The following KRT13 variants were observed in gnomAD, a reference collection of about 807,000 sequenced individuals.
The protein encoded by KRT13 is keratin, type I cytoskeletal 13.
Under a neutral mutation model 40.6 loss-of-function variants are expected in KRT13, and 27 were observed. That is an observed-to-expected ratio of 0.67 (90% CI 0.49 to 0.92). The LOEUF (loss-of-function observed/expected upper bound fraction) is 0.92. Among genes scored for constraint, KRT13 ranks in the 40% least tolerant of loss-of-function variants. The probability of loss-of-function intolerance (pLI) is 0.00; values close to 1 mark genes in which losing one functional copy is unlikely to be tolerated. For synonymous variants in KRT13, 266 were observed against 240.3 expected (o/e 1.11, Z -0.99); for missense variants, 605 against 611.5 (o/e 0.99, Z 0.11).
intron 6 of KRT13, 120 bp from the exon 7 acceptor site, chr17:41,501,864 T>C: frequency 6.5e-7 from 1 of 1,543,966 alleles, no homozygotes; most frequent in East Asian, 2.5e-5. Flanking sequence ...CTCTAGTGCC[T>C]CCTAGCTGTG....
At chr17:41,504,160 G>A (rs138259317) in intron 1 of KRT13, 154 of 245,436 alleles carry the variant, frequency 6.3e-4, no homozygotes, top group Middle Eastern at 1.6e-3. Context: ...CCCTCCAATC[G>A]TTTCTAACAC....
At position 41,505,566 on chromosome 17, in the gene KRT13, G is replaced by C. The variant is rs757491325; in HGVS notation, c.-16C>G. 11 of 1,614,088 alleles carry C rather than the reference G, an allele frequency of 6.8e-6. No homozygotes were observed. The Admixed American group carries it at 1.8e-4, about 27-fold the overall frequency. The stretch of plus-strand genomic sequence containing the variant: ...GGAGGCTCATGGTGAGAGCAGGATT[G>C]AGAGCAGGTGCAGATAGAAGCTTGC... On this transcript the variant is annotated 5_prime_UTR_variant, in exon 1 of 8. Transcript: ENST00000246635.
chr17:41,503,477 A>C, intron 2 of KRT13, 34 bp from the exon 3 acceptor site: 1 of 1,611,514 alleles, frequency 6.2e-7, no homozygotes, highest in Non-Finnish European at 8.5e-7. Flanking sequence ...GTTTTTTGAA[A>C]AAGCAAGACA....
chr17:41,502,008 C>T (rs1904868272), intron 6 of KRT13: 5 of 1,420,962 alleles, frequency 3.5e-6, no homozygotes, highest in Non-Finnish European at 4.6e-6. Flanking sequence ...CTCTGGATCG[C>T]CCAAACCCGC....
chr17:41,502,599 T>C lies in KRT13; in HGVS notation c.1024-5A>G, dbSNP rs777839874. On this transcript the variant is annotated splice_region_variant and splice_polypyrimidine_tract_variant and intron_variant, in intron 5 of 7. Coordinates refer to ENST00000246635, the MANE Select transcript of KRT13 (RefSeq NM_153490.3). ...CGTGTTCTCCAGCCCCGCTTTCTGG[T>C]GGAGCGACAGACAAGAAGTTACAGA... 4 of 1,613,378 alleles carry C rather than the reference T, an allele frequency of 2.5e-6. No homozygotes were observed. Among genetic ancestry groups the C allele is most frequent in the South Asian group, 2.2e-5 (2 of 91,084 alleles).
intron 6 of KRT13, 171 bp from the exon 7 acceptor site, chr17:41,501,915 ACTGT>A: frequency 2.7e-6 from 4 of 1,497,356 alleles, no homozygotes; most frequent in South Asian, 2.6e-5. Context: ...GCCCACTGGG[ACTGT>A]CTGTCTTTCC....
chr17:41,502,453 T>C lies in KRT13; in HGVS notation c.1165A>G (p.Lys389Glu), dbSNP rs371850724. 14 of 1,614,242 alleles carry C rather than the reference T, an allele frequency of 8.7e-6. No homozygotes were observed. In the Admixed American group the frequency reaches 1.0e-4, roughly 12 times the overall value. The change falls in exon 6 of 8, where the codon AAG becomes GAG. Residue 389 changes from lysine to glutamate, a missense_variant. Transcript: ENST00000246635. ...CGTGTCTTGATGTCCAGCAGCATCT[T>C]GTACTCTTGGTTCTGGCACTCCATC... is the stretch of plus-strand genomic sequence containing the variant. The part of the protein sequence containing the change: ...SEMECQNQEY[K>E]MLLDIKTRLE...
At position 41,503,641 on chromosome 17, in the gene KRT13, A is replaced by T; in HGVS notation, c.578+2T>A. On this transcript the variant is annotated splice_donor_variant, in intron 2 of 7. Transcript: ENST00000246635. LOFTEE classifies it high-confidence loss of function. ...AGAGGGAGGGGGAAAAAAAAAACTC[A>T]CTTGAGCCTGAAGTCGTCCGCAGCC... The T allele has an allele frequency of 6.2e-7, 1 of 1,613,456 alleles. No homozygotes were observed. Among genetic ancestry groups the T allele is most frequent in the Non-Finnish European group, 8.5e-7 (1 of 1,179,528 alleles).
Position 41,502,658 on chromosome 17 carries a change from C to T in KRT13, c.1023+29G>A, listed in dbSNP as rs545219692. 113 of 1,613,230 alleles carry T rather than the reference C, an allele frequency of 7.0e-5. No individual in the cohort carries two copies. The South Asian group carries it at 1.2e-3, about 16-fold the overall frequency. On this transcript the variant is annotated intron_variant, in intron 5 of 7. Transcript: ENST00000246635. ...GGCCAGAGGGAAACCTAGAGGTGGTCGCCACCGGGCAGGAGGCTGCAGGCA... is the reference window on the plus strand; with the variant it reads ...GGCCAGAGGGAAACCTAGAGGTGGTTGCCACCGGGCAGGAGGCTGCAGGCA...
chr17:41,503,308 G>A lies in KRT13; in HGVS notation c.714C>T (p.Tyr238=). ...TCACCTCTTCATGGTTCTTCTTCAT[G>A]TAGGCTAGCTCTTCATTCAGGCTCT... is the stretch of plus-strand genomic sequence containing the variant. ...QIESLNEELA[Y]MKKNHEEEMK... The change falls in exon 3 of 8, where the codon TAC becomes TAT. Residue 238 remains tyrosine (Y), a synonymous_variant. Coordinates refer to ENST00000246635, the MANE Select transcript of KRT13 (RefSeq NM_153490.3). 6.2e-7 allele frequency: 1 copy of A among 1,614,212 alleles called. No homozygotes were observed. The highest frequency in any genetic ancestry group is 8.5e-7 in the Non-Finnish European group (1 of 1,180,038).
At chr17:41,504,055 G>A (rs1044881618) in intron 1 of KRT13, 2 of 379,444 alleles carry the variant, frequency 5.3e-6, no homozygotes, top group Non-Finnish European at 1.0e-5. Context: ...TGGTTCCCAT[G>A]GGGCTCTACC....
rs373085505 is a variant in KRT13 at position 41,502,665 on chromosome 17, G to C, written c.1023+22C>G. The C allele has an allele frequency of 3.7e-6, 6 of 1,613,400 alleles. No homozygotes were observed. In the East Asian group the frequency reaches 1.1e-4, roughly 30 times the overall value. The stretch of plus-strand genomic sequence containing the variant: ...GGGAAACCTAGAGGTGGTCGCCACC[G>C]GGCAGGAGGCTGCAGGCATACCATG... On this transcript the variant is annotated intron_variant, in intron 5 of 7. Coordinates refer to ENST00000246635, the MANE Select transcript of KRT13 (RefSeq NM_153490.3).
At chr17:41,501,643 C>T in intron 7 of KRT13, 76 bp downstream of exon 7, 1 of 1,550,806 alleles carries the variant, frequency 6.4e-7, no homozygotes, top group Non-Finnish European at 8.7e-7. Flanking sequence ...CCCTCCCCGC[C>T]AGCTCCCACC....
Position 41,502,064 on chromosome 17 carries a change from G to A in KRT13, c.1244+310C>T, listed in dbSNP as rs1904869961. 6 of 985,312 alleles carry A rather than the reference G, an allele frequency of 6.1e-6. No individual in the cohort carries two copies. The Admixed American group carries it at 3.7e-4, about 61-fold the overall frequency. 61.0% of individuals were successfully genotyped at this position (985,312 alleles called of 1,614,324 possible). A position where few individuals can be genotyped will look rare whatever the true frequency, so the allele number is the denominator to read the frequency against. ...AGCCCACAGGGGTGGCTTGATTTCTGCAAAGGGTCTAAAGGCAGTTAAAGC... is the reference window on the plus strand; with the variant it reads ...AGCCCACAGGGGTGGCTTGATTTCTACAAAGGGTCTAAAGGCAGTTAAAGC... On this transcript the variant is annotated intron_variant, in intron 6 of 7. Transcript: ENST00000246635.
At position 41,505,540 on chromosome 17, in the gene KRT13, C is replaced by A. The variant is rs753767170; in HGVS notation, c.11G>T (p.Arg4Leu). 2 of 1,614,240 alleles carry A rather than the reference C, an allele frequency of 1.2e-6. No individual in the cohort carries two copies. The highest frequency in any genetic ancestry group is 1.1e-5 in the South Asian group (1 of 91,080). The change falls in exon 1 of 8, where the codon CGC becomes CTC. Residue 4 changes from arginine to leucine, a missense_variant. By Grantham distance (102) the Arg-to-Leu change is moderately radical. Coordinates refer to ENST00000246635, the MANE Select transcript of KRT13 (RefSeq NM_153490.3). MSL[R>L]LQSSSASYGG... ...ATAGCTGGCAGAGGAGCTCTGCAGG[C>A]GGAGGCTCATGGTGAGAGCAGGATT...
Position 41,505,187 on chromosome 17 carries a change from C to A in KRT13, c.364G>T (p.Val122Leu). 6.2e-7 allele frequency: 1 copy of A among 1,614,172 alleles called. No homozygotes were observed. ...GCGTTGGCCTCCTCCAGGGCGCGCA[C>A]CTTCTCCAGGTAGGAAGCCAGGCGG... ...NDRLASYLEKVRALEEANADL... is the reference protein window; with the variant it reads ...NDRLASYLEKLRALEEANADL... Residue 122 changes from valine (V) to leucine (L), a missense_variant, in exon 1 of 8, where the codon GTG (valine) becomes TTG (leucine). Val to Leu is a conservative substitution (Grantham distance 32, BLOSUM62 1). Transcript: ENST00000246635.
chr17:41,502,750 C>T lies in KRT13; in HGVS notation c.960G>A (p.Glu320=), dbSNP rs1904903328. ...NTAMIQTSKT[E]ITELRRTLQG... ...GGAGCGTGCGCCTGAGCTCCGTGAT[C>T]TCTGTCTTGCTGGTCTGAATCATGG... Residue 320 remains glutamate (E), a synonymous_variant, in exon 5 of 8, where the codon GAG becomes GAA. Transcript: ENST00000246635. The T allele has an allele frequency of 6.2e-7, 1 of 1,614,240 alleles. No homozygotes were observed. The highest frequency in any genetic ancestry group is 1.7e-5 in the Admixed American group (1 of 60,032).
chr17:41,501,858 A>T (rs1250606151), intron 6 of KRT13, 114 bp from the exon 7 acceptor site: 1 of 1,547,232 alleles, frequency 6.5e-7, no homozygotes, highest in Non-Finnish European at 8.7e-7. Context: ...GCTGGACTCT[A>T]GTGCCTCCTA....
intron 1 of KRT13, among the ~76,000 whole-genome samples, chr17:41,504,796 T>C (rs1192993000): frequency 6.6e-6 from 1 of 152,102 alleles, no homozygotes; most frequent in Non-Finnish European, 1.5e-5. Context: ...ATGAATAACA[T>C]AACTGTCTGG....
Sources: allele counts gnomAD v4.1 joint callset (sites outside exome capture counted in the v4.1 genomes callset), GRCh38; gene constraint gnomAD v4.1.1; transcripts MANE v1.5; gene names NCBI Gene and HGNC (gene_info 2026-07-23, HGNC 2026-07-21).